TGFB2: variants seen among roughly 807,000 people sequenced by gnomAD.
TGFB2 encodes the protein transforming growth factor beta-2 proprotein.
Under a neutral mutation model 42.7 loss-of-function variants are expected in TGFB2, and 13 were observed. The observed-to-expected ratio is 0.30, with a 90% CI of 0.20 to 0.48. TGFB2 has a LOEUF of 0.48. Among genes scored for constraint, TGFB2 ranks in the 20% least tolerant of loss-of-function variants. TGFB2 has a pLI of 0.99. For missense variants in TGFB2, 390 were observed against 517.5 expected (o/e 0.75, Z 2.39); for synonymous variants, 193 against 193.6 (o/e 1.00, Z 0.03).
intron 1 of TGFB2, among the ~76,000 whole-genome samples, chr1:218,399,357 T>C (rs1658635611): frequency 6.6e-6 from 1 of 152,202 alleles, no homozygotes; most frequent in Non-Finnish European, 1.5e-5. Context: ...TGTATCGAAG[T>C]ATTTCATGTA....
At chr1:218,418,932 T>C (rs57035838) in intron 2 of TGFB2, among the ~76,000 whole-genome samples, 2,245 of 152,288 alleles carry the variant, frequency 0.015, 45 homozygotes, top group African/African-American at 0.05. Flanking sequence ...AATAAACCTT[T>C]TTATTTTGTA....
rs192106773 is a variant in TGFB2 at position 218,442,087 on chromosome 1, G to C, written c.*725G>C. ...TATCAGCTGCCTAAGGAAGCTTCTT[G>C]TAAGGTCCAAAAACTAAAAAGACTG... On this transcript the variant is annotated 3_prime_UTR_variant, in exon 7 of 7. Transcript: ENST00000366930. The C allele has an allele frequency of 2.6e-3, 395 of 151,948 alleles. 4 individuals are homozygous for C. The highest frequency in any genetic ancestry group is 9.1e-3 in the African/African-American group (378 of 41,486). 9.4% of individuals were successfully genotyped at this position (151,948 alleles called of 1,614,324 possible).
rs762773270 is a variant in TGFB2, at chr1:218,434,220, A to G, written c.643+6A>G. 3.7e-6 allele frequency: 6 copies of G among 1,613,480 alleles called. No individual in the cohort carries two copies. In the South Asian group the frequency reaches 6.6e-5, roughly 18 times the overall value. ...TGAATGGCTTCACCATAAAGGTTAC[A>G]AGCCACTCTCTCTTTTCCTCCCAAG... On this transcript the variant is annotated splice_donor_region_variant and intron_variant, in intron 3 of 6. Transcript: ENST00000366930.
At chr1:218,377,915 T>G (rs1330534255) in intron 1 of TGFB2, among the ~76,000 whole-genome samples, 1 of 152,216 alleles carries the variant, frequency 6.6e-6, no homozygotes, top group Non-Finnish European at 1.5e-5. Context: ...GCTTCCCATT[T>G]GCCACCACCT....
chr1:218,426,045 G>A (rs1659612143), intron 2 of TGFB2, among the ~76,000 whole-genome samples: 1 of 152,172 alleles, frequency 6.6e-6, no homozygotes, highest in African/African-American at 2.4e-5. Flanking sequence ...CATATTTAAA[G>A]CGTTAAAAAC....
At chr1:218,364,495 G>A (rs1442369791) in intron 1 of TGFB2, among the ~76,000 whole-genome samples, 1 of 152,160 alleles carries the variant, frequency 6.6e-6, no homozygotes, top group African/African-American at 2.4e-5. Context: ...ACCATGCTCA[G>A]GAAAAAAGGA....
At chr1:218,369,804 T>C (rs1350694707) in intron 1 of TGFB2, among the ~76,000 whole-genome samples, 1 of 152,368 alleles carries the variant, frequency 6.6e-6, no homozygotes, top group Non-Finnish European at 1.5e-5. Context: ...TTTGGATCTG[T>C]CCAGCTGTGC....
intron 1 of TGFB2, among the ~76,000 whole-genome samples, chr1:218,372,085 C>T (rs1386584454): frequency 2.6e-5 from 4 of 152,046 alleles, no homozygotes; most frequent in Non-Finnish European, 5.9e-5. Context: ...AAATAATTAT[C>T]TCCACAGCCT....
At chr1:218,427,313 G>T (rs1469524936) in intron 2 of TGFB2, among the ~76,000 whole-genome samples, 1 of 151,584 alleles carries the variant, frequency 6.6e-6, no homozygotes, top group Non-Finnish European at 1.5e-5. Context: ...CCTCTATTCT[G>T]CTTCTTTTTT....
Position 218,353,876 on chromosome 1 carries a change from C to G in TGFB2, c.346+6829C>G, listed in dbSNP as rs548639351. The stretch of plus-strand genomic sequence containing the variant: ...CTGTCCTCCAGCCTGGGCAACAGAG[C>G]GTGACCCTGTCTCTAAACATAACAA... On this transcript the variant is annotated intron_variant, in intron 1 of 6. Coordinates refer to ENST00000366930, the MANE Select transcript of TGFB2 (RefSeq NM_003238.6). 2.0e-5 allele frequency among the ~76,000 whole-genome samples: 3 copies of G among 152,292 alleles called. No individual in the cohort carries two copies. The South Asian group carries it at 6.2e-4, about 32-fold the overall frequency.
chr1:218,364,735 G>T (rs1269784689), intron 1 of TGFB2, among the ~76,000 whole-genome samples: 2 of 152,124 alleles, frequency 1.3e-5, no homozygotes, highest in Non-Finnish European at 2.9e-5. Context: ...CTAAGCTGGG[G>T]TTTCCTCAAA....
intron 1 of TGFB2, among the ~76,000 whole-genome samples, chr1:218,371,781 AG>A (rs1474077311): frequency 6.6e-6 from 1 of 152,220 alleles, no homozygotes; most frequent in Non-Finnish European, 1.5e-5. Context: ...GTTTGCCAGA[AG>A]GAGCATGGCT....
chr1:218,394,193 G>A (rs1198064817), intron 1 of TGFB2, among the ~76,000 whole-genome samples: 1 of 152,154 alleles, frequency 6.6e-6, no homozygotes, highest in Non-Finnish European at 1.5e-5. Context: ...ATAGGCGTAA[G>A]CCACCGCACC....
At chr1:218,358,117 T>C (rs1657098059) in intron 1 of TGFB2, among the ~76,000 whole-genome samples, 2 of 152,242 alleles carry the variant, frequency 1.3e-5, no homozygotes, top group East Asian at 3.8e-4. Context: ...TTACTTCATC[T>C]TGTAAGCAAG....
At chr1:218,420,149 T>G (rs1246832270) in intron 2 of TGFB2, among the ~76,000 whole-genome samples, 1 of 152,166 alleles carries the variant, frequency 6.6e-6, no homozygotes, top group African/African-American at 2.4e-5. Context: ...CCAGAGAGCT[T>G]GAGGTCTTGT....
At chr1:218,402,440 A>G (rs1286114216) in intron 1 of TGFB2, among the ~76,000 whole-genome samples, 1 of 152,206 alleles carries the variant, frequency 6.6e-6, no homozygotes, top group Non-Finnish European at 1.5e-5. Flanking sequence ...GGACAGGATC[A>G]TTGGATGATT....
chr1:218,375,086 G>A (rs1657696557), intron 1 of TGFB2, among the ~76,000 whole-genome samples: 2 of 152,264 alleles, frequency 1.3e-5, no homozygotes, highest in South Asian at 2.1e-4. Context: ...GGAAATTCAA[G>A]TCTAACCCTG....
At chr1:218,375,969 A>G (rs1345463890) in intron 1 of TGFB2, among the ~76,000 whole-genome samples, 2 of 152,236 alleles carry the variant, frequency 1.3e-5, no homozygotes, top group African/African-American at 4.8e-5. Flanking sequence ...CATAAGTTGA[A>G]TGTATAGAAT....
At chr1:218,416,079 G>A (rs926161247) in intron 2 of TGFB2, among the ~76,000 whole-genome samples, 2 of 152,134 alleles carry the variant, frequency 1.3e-5, no homozygotes, top group East Asian at 1.9e-4. Context: ...TTTTATCACT[G>A]TGTACATTTG....
Sources: allele counts gnomAD v4.1 joint callset (sites outside exome capture counted in the v4.1 genomes callset), GRCh38; gene constraint gnomAD v4.1.1; transcripts MANE v1.5; gene names NCBI Gene and HGNC (gene_info 2026-07-23, HGNC 2026-07-21).